The following SLC25A17 variants were observed in gnomAD, a reference collection of about 807,000 sequenced individuals.
SLC25A17 encodes peroxisomal membrane protein PMP34.
Under a neutral mutation model 38.5 loss-of-function variants are expected in SLC25A17, and 26 were observed. The ratio of observed to expected loss-of-function variants is 0.68; its 90% CI spans 0.50 to 0.94. SLC25A17 has a LOEUF of 0.94. Ranked by LOEUF, SLC25A17 falls within the 40% of genes least tolerant of loss-of-function variation. The pLI is 0.00. For missense variants in SLC25A17, 333 were observed against 372.7 expected (o/e 0.89, Z 0.88); for synonymous variants, 139 against 136.2 (o/e 1.02, Z -0.14).
intron 5 of SLC25A17, among the ~76,000 whole-genome samples, 176 bp downstream of exon 5, chr22:40,778,833 A>G (rs983038736): frequency 6.6e-6 from 1 of 152,248 alleles, no homozygotes; most frequent in Admixed American, 6.5e-5. Flanking sequence ...CCCATCTGAC[A>G]AAGGGCTAAT....
In SLC25A17 at chr22:40,769,858, C is replaced by T. The variant is rs2057164707; in HGVS notation, c.*976G>A. On this transcript the variant is annotated 3_prime_UTR_variant, in exon 9 of 9. Transcript: ENST00000435456. ...TCTCAGCTTGTGGCAGTACTACCGT[C>T]TGATGGACCACACTGAGCAACAGGA... 6.6e-6 allele frequency: 1 copy of T among 152,160 alleles called. No individual in the cohort carries two copies. The highest frequency in any genetic ancestry group is 2.1e-4 in the South Asian group (1 of 4,822). The allele number at this position is 152,160 out of a possible 1,614,324, so 9.4% of individuals were successfully genotyped here.
chr22:40,793,854 G>A (rs961159076), intron 3 of SLC25A17, among the ~76,000 whole-genome samples: 1 of 152,048 alleles, frequency 6.6e-6, no homozygotes, highest in Admixed American at 6.6e-5. Context: ...CAGGTGATCC[G>A]CCTGCCTCGG....
intron 4 of SLC25A17, among the ~76,000 whole-genome samples, chr22:40,781,301 A>G (rs2057292150): frequency 6.7e-6 from 1 of 149,048 alleles, no homozygotes; most frequent in African/African-American, 2.5e-5. Context: ...GCCGGAGTGC[A>G]GTGGTTCTAT....
chr22:40,812,027 TTTTC>T (rs1159917691), intron 1 of SLC25A17, among the ~76,000 whole-genome samples: 1 of 151,978 alleles, frequency 6.6e-6, no homozygotes, highest in Non-Finnish European at 1.5e-5. Context: ...CTTTTTCTCT[TTTTC>T]TTTCTCTCTC....
intron 3 of SLC25A17, 42 bp downstream of exon 3, chr22:40,794,472 T>G: frequency 8.2e-7 from 1 of 1,217,018 alleles, no homozygotes; most frequent in Non-Finnish European, 1.2e-6. Flanking sequence ...AGGAATCTCC[T>G]AACAAGTTGC....
chr22:40,781,877 G>A (rs780603191), intron 4 of SLC25A17, among the ~76,000 whole-genome samples: 3 of 151,980 alleles, frequency 2.0e-5, no homozygotes, highest in Non-Finnish European at 4.4e-5. Flanking sequence ...CTCCTGACAG[G>A]CCCAAAGGAT....
At chr22:40,790,971 C>CTCA (rs895185705) in intron 4 of SLC25A17, among the ~76,000 whole-genome samples, 1 of 152,134 alleles carries the variant, frequency 6.6e-6, no homozygotes, top group Non-Finnish European at 1.5e-5. Flanking sequence ...GTGAACAAAT[C>CTCA]TCAAACTTGA....
intron 5 of SLC25A17, 93 bp downstream of exon 5, chr22:40,778,916 A>C (rs2057270447): frequency 2.8e-6 from 3 of 1,090,280 alleles, no homozygotes; most frequent in East Asian, 4.8e-5. Context: ...AAAGTGGGCA[A>C]AGGATATGTT....
chr22:40,805,551 C>T (rs1196420685), intron 1 of SLC25A17, among the ~76,000 whole-genome samples: 1 of 152,128 alleles, frequency 6.6e-6, no homozygotes, highest in African/African-American at 2.4e-5. Flanking sequence ...TAGGGATAAT[C>T]CTGGAACATA....
intron 4 of SLC25A17, among the ~76,000 whole-genome samples, chr22:40,791,231 C>T (rs776640049): frequency 9.2e-5 from 14 of 152,230 alleles, no homozygotes; most frequent in Middle Eastern, 3.4e-3. Flanking sequence ...TGGGAAGGCA[C>T]GAAGAGCCTG....
chr22:40,794,054 A>C (rs2057406449), intron 3 of SLC25A17, among the ~76,000 whole-genome samples: 2 of 152,194 alleles, frequency 1.3e-5, no homozygotes, highest in Non-Finnish European at 2.9e-5. Flanking sequence ...AAACAGGAAA[A>C]GATGTTAACA....
rs771447103 is a variant in SLC25A17 at position 40,771,022 on chromosome 22, G to A, written c.777-41C>T. 4.0e-6 allele frequency: 6 copies of A among 1,498,960 alleles called. No homozygotes were observed. In the African/African-American group the frequency reaches 5.6e-5, roughly 14 times the overall value. 92.9% of individuals were successfully genotyped at this position (1,498,960 alleles called of 1,614,324 possible). On this transcript the variant is annotated intron_variant, in intron 8 of 8. Transcript: ENST00000435456. ...TTTGAAAAAACAGAAGTCAGCTCCT[G>A]CATCAGAGAACATGCTACCTAGATA...
chr22:40,778,963 G>C, intron 5 of SLC25A17, 46 bp downstream of exon 5: 1 of 1,497,734 alleles, frequency 6.7e-7, no homozygotes, highest in South Asian at 1.1e-5. Context: ...CAGATACAAA[G>C]AAGGAAGAAA....
intron 2 of SLC25A17, among the ~76,000 whole-genome samples, chr22:40,797,880 G>T (rs567944030): frequency 6.6e-6 from 1 of 152,238 alleles, no homozygotes; most frequent in African/African-American, 2.4e-5. Context: ...TTCTTGCTGT[G>T]GCCACAAGGA....
chr22:40,814,614 G>T lies in SLC25A17; in HGVS notation c.54+4581C>A, dbSNP rs116921591. Among the ~76,000 whole-genome samples the T allele has an allele frequency of 1.6e-3, 242 of 152,084 alleles. 8 individuals are homozygous for T. The East Asian group carries it at 0.039, about 25-fold the overall frequency. ...CAATAAAAGTCTGACATTGTGAAAA[G>T]ACACAAATGTGTGTGTACCTGGTTA... is the stretch of plus-strand genomic sequence containing the variant. On this transcript the variant is annotated intron_variant, in intron 1 of 8. Transcript: ENST00000435456.
chr22:40,794,742 C>T (rs1471457898), intron 2 of SLC25A17, among the ~76,000 whole-genome samples, 162 bp from the exon 3 acceptor site: 4 of 152,090 alleles, frequency 2.6e-5, no homozygotes, highest in African/African-American at 4.8e-5. Flanking sequence ...GTTGCAGCCT[C>T]CCAAGTAGCT....
At chr22:40,772,293 T>C (rs1025559780) in intron 8 of SLC25A17, among the ~76,000 whole-genome samples, 1 of 152,182 alleles carries the variant, frequency 6.6e-6, no homozygotes, top group Non-Finnish European at 1.5e-5. Context: ...TTTATACATA[T>C]TCTTTGTCTT....
chr22:40,800,434 T>G (rs1245326473), intron 1 of SLC25A17, among the ~76,000 whole-genome samples: 1 of 152,180 alleles, frequency 6.6e-6, no homozygotes, highest in Non-Finnish European at 1.5e-5. Flanking sequence ...TGTCTTGCTA[T>G]GTCATCTAGG....
At chr22:40,792,713 G>C (rs754944319) in intron 3 of SLC25A17, 37 bp from the exon 4 acceptor site, 1 of 1,604,230 alleles carries the variant, frequency 6.2e-7, no homozygotes, top group Non-Finnish European at 8.5e-7. Context: ...TAAAGGTCAT[G>C]GACAAATTAG....
Sources: allele counts gnomAD v4.1 joint callset (sites outside exome capture counted in the v4.1 genomes callset), GRCh38; gene constraint gnomAD v4.1.1; transcripts MANE v1.5; gene names NCBI Gene and HGNC (gene_info 2026-07-23, HGNC 2026-07-21).